GLTP: variants seen among roughly 807,000 people sequenced by gnomAD.
GLTP encodes the protein glycolipid transfer protein.
GLTP carries 22 observed loss-of-function variants against 24.0 expected under a neutral mutation model. That is an observed-to-expected ratio of 0.92 (90% CI 0.65 to 1.31). The LOEUF is 1.31. Among genes scored for constraint, GLTP ranks in the 50% most tolerant of loss-of-function variants. GLTP has a pLI of 0.00. For synonymous variants in GLTP, 92 were observed against 115.9 expected (o/e 0.79, Z 1.33); for missense variants, 224 against 276.6 (o/e 0.81, Z 1.35).
intron 1 of GLTP, among the ~76,000 whole-genome samples, chr12:109,867,819 C>T (rs1051945497): frequency 1.3e-5 from 2 of 151,434 alleles, no homozygotes; most frequent in African/African-American, 4.9e-5. Flanking sequence ...GCTCTGTCGC[C>T]CAGGCTGGAG....
chr12:109,852,979 G>A (rs1433889301), intron 4 of GLTP, among the ~76,000 whole-genome samples: 4 of 152,214 alleles, frequency 2.6e-5, no homozygotes, highest in African/African-American at 7.2e-5. Flanking sequence ...AACTAGCTGT[G>A]AGCCTTGAGC....
chr12:109,857,418 G>A lies in GLTP; in HGVS notation c.296+108C>T, dbSNP rs954440245. 1 of 1,254,368 alleles carries A rather than the reference G, an allele frequency of 8.0e-7. No individual in the cohort carries two copies. The highest frequency in any genetic ancestry group is 1.5e-5 in the African/African-American group (1 of 67,414). The allele number at this position is 1,254,368 out of a possible 1,614,324, so 77.7% of individuals were successfully genotyped here. A position where few individuals can be genotyped will look rare whatever the true frequency, so the allele number is the denominator to read the frequency against. On this transcript the variant is annotated intron_variant, in intron 3 of 4. Coordinates refer to ENST00000318348, the MANE Select transcript of GLTP (RefSeq NM_016433.4). This position sits in a 1 kb window ranked among gnomAD's most constrained non-coding sequence, Gnocchi z 4.3. ...CCATTAACTAGCATCACACTGGAAGGGCTCGGAAGTGACCTTCCCAGCCTG... is the reference window on the plus strand; with the variant it reads ...CCATTAACTAGCATCACACTGGAAGAGCTCGGAAGTGACCTTCCCAGCCTG...
At chr12:109,868,293 G>A (rs777727780) in intron 1 of GLTP, among the ~76,000 whole-genome samples, 16 of 152,214 alleles carry the variant, frequency 1.1e-4, no homozygotes, top group Non-Finnish European at 4.4e-5. Context: ...TTACAGGCAG[G>A]AGCCACTGTA....
At chr12:109,865,049 A>G (rs1207881825) in intron 1 of GLTP, among the ~76,000 whole-genome samples, 1 of 152,170 alleles carries the variant, frequency 6.6e-6, no homozygotes, top group East Asian at 1.9e-4. Flanking sequence ...CCTGCTCTGA[A>G]TACAGCATGA....
intron 1 of GLTP, among the ~76,000 whole-genome samples, chr12:109,878,116 C>A (rs1868942637): frequency 6.6e-6 from 1 of 152,146 alleles, no homozygotes; most frequent in African/African-American, 2.4e-5. Context: ...TCCTTTGAGA[C>A]CAAGGAAAGG....
chr12:109,853,764 G>C (rs1289595062), intron 4 of GLTP, among the ~76,000 whole-genome samples: 3 of 151,114 alleles, frequency 2.0e-5, no homozygotes, highest in African/African-American at 7.3e-5. Flanking sequence ...AATTTTTTTA[G>C]ACATAGTCTC....
chr12:109,861,479 G>A (rs1168945791), intron 1 of GLTP, among the ~76,000 whole-genome samples: 1 of 152,200 alleles, frequency 6.6e-6, no homozygotes, highest in African/African-American at 2.4e-5. Context: ...GCCAGGCGCA[G>A]TAGCTCACGC....
chr12:109,858,308 G>A (rs1892827865), intron 2 of GLTP: 1 of 439,160 alleles, frequency 2.3e-6, no homozygotes, highest in South Asian at 1.6e-5. Context: ...CTCACAGGCA[G>A]TCTATGGCTG....
At chr12:109,866,759 C>CT (rs35739263) in intron 1 of GLTP, among the ~76,000 whole-genome samples, 4,360 of 129,872 alleles carry the variant, frequency 0.034, 229 homozygotes, top group African/African-American at 0.11. Flanking sequence ...CTTTGTGTAT[C>CT]TTTTTTTTTT....
Position 109,880,095 on chromosome 12 carries a change from G to A in GLTP, c.103+177C>T, listed in dbSNP as rs985819365. ...GACATGTTTAGAGCGGAGAGGACTTGGGAGTGGTCCGGGAAAGGGAGAATT... is the reference window on the plus strand; with the variant it reads ...GACATGTTTAGAGCGGAGAGGACTTAGGAGTGGTCCGGGAAAGGGAGAATT... On this transcript the variant is annotated intron_variant, in intron 1 of 4. Transcript: ENST00000318348. This position sits in a 1 kb window ranked among gnomAD's most constrained non-coding sequence, Gnocchi z 5.1. 2.0e-5 allele frequency among the ~76,000 whole-genome samples: 3 copies of A among 152,010 alleles called. No homozygotes were observed. Among genetic ancestry groups the A allele is most frequent in the Non-Finnish European group, 4.4e-5 (3 of 67,974 alleles).
At chr12:109,867,458 T>C (rs1156336591) in intron 1 of GLTP, among the ~76,000 whole-genome samples, 1 of 152,112 alleles carries the variant, frequency 6.6e-6, no homozygotes, top group Non-Finnish European at 1.5e-5. Flanking sequence ...CAAATTCTTA[T>C]AGATACTTAA....
At chr12:109,869,321 G>C (rs66482232) in intron 1 of GLTP, among the ~76,000 whole-genome samples, 1 of 115,966 alleles carries the variant, frequency 8.6e-6, no homozygotes, top group African/African-American at 3.4e-5. Context: ...AAAAAAAAAA[G>C]AAAGAAAGAA....
intron 1 of GLTP, among the ~76,000 whole-genome samples, chr12:109,862,154 C>T (rs1868381458): frequency 6.6e-6 from 1 of 152,172 alleles, no homozygotes; most frequent in Non-Finnish European, 1.5e-5. Flanking sequence ...TCAGAGGCTG[C>T]TCAGAGGTGC....
Position 109,858,754 on chromosome 12 carries a change from T to C in GLTP, c.104-13A>G, listed in dbSNP as rs768675182. ...GACCCAAGGCAATCTGGGGACAAAATGAGAAGACAGATTGAGATTCGCAGC... is the reference window on the plus strand; with the variant it reads ...GACCCAAGGCAATCTGGGGACAAAACGAGAAGACAGATTGAGATTCGCAGC... On this transcript the variant is annotated splice_polypyrimidine_tract_variant and intron_variant, in intron 1 of 4. Coordinates refer to ENST00000318348, the MANE Select transcript of GLTP (RefSeq NM_016433.4). The C allele has an allele frequency of 6.9e-6, 11 of 1,588,646 alleles. No homozygotes were observed. The Middle Eastern group carries it at 6.6e-4, about 96-fold the overall frequency.
At chr12:109,879,366 G>A (rs995594061) in intron 1 of GLTP, among the ~76,000 whole-genome samples, 34 of 152,306 alleles carry the variant, frequency 2.2e-4, no homozygotes, top group African/African-American at 7.9e-4. Context: ...AGGGGCAGTG[G>A]TGCTGGCTTC....
chr12:109,862,186 G>T (rs868364628), intron 1 of GLTP, among the ~76,000 whole-genome samples: 1 of 152,162 alleles, frequency 6.6e-6, no homozygotes, highest in Non-Finnish European at 1.5e-5. Flanking sequence ...TGCGGGCAAA[G>T]AATCCAGGGT....
intron 2 of GLTP, chr12:109,858,326 G>A (rs751770220): frequency 3.3e-4 from 141 of 426,616 alleles, no homozygotes; most frequent in Non-Finnish European, 6.9e-5. Flanking sequence ...CTGGGGAGGC[G>A]GCATCAGGAA....
intron 1 of GLTP, among the ~76,000 whole-genome samples, chr12:109,873,075 T>C (rs1868775675): frequency 6.6e-6 from 1 of 152,200 alleles, no homozygotes; most frequent in Non-Finnish European, 1.5e-5. Flanking sequence ...TTAGTGTATT[T>C]CATGTGTGGC....
At chr12:109,858,288 T>G in intron 2 of GLTP, 1 of 455,324 alleles carries the variant, frequency 2.2e-6, no homozygotes, top group South Asian at 1.6e-5. Flanking sequence ...GGCTGGGCCC[T>G]AGGTGGATTC....
Sources: gnomAD v4.1 joint callset for allele counts (sites outside exome capture counted in the v4.1 genomes callset) on GRCh38, gnomAD v4.1.1 for gene constraint, Gnocchi (gnomAD v3.1) non-coding constraint, MANE v1.5 for transcripts, NCBI Gene and HGNC (gene_info 2026-07-23, HGNC 2026-07-21) for gene names.